The following ANO1 variants were observed in gnomAD, a reference collection of about 807,000 sequenced individuals.
ANO1 encodes the protein anoctamin 1, also known as anoctamin-1.
In ANO1, 59 loss-of-function variants were observed where a neutral mutation model predicts 124.0. The ratio of observed to expected loss-of-function variants is 0.48; its 90% CI spans 0.39 to 0.59. The LOEUF (loss-of-function observed/expected upper bound fraction) is 0.59. ANO1 is among the 20% of genes least tolerant of loss of function. The probability of loss-of-function intolerance (pLI) is 0.00; values close to 1 mark genes in which losing one functional copy is unlikely to be tolerated. For synonymous variants in ANO1, 529 were observed against 532.0 expected (o/e 0.99, Z 0.08); for missense variants, 1,059 against 1,328.0 (o/e 0.80, Z 3.15).
chr11:70,156,410 TAGGGTTTCTCCAGACCA>T (rs2135678706), intron 15 of ANO1, among the ~76,000 whole-genome samples: 1 of 152,308 alleles, frequency 6.6e-6, no homozygotes, highest in South Asian at 2.1e-4. Flanking sequence ...AGCTTCTACC[TAGGGTTTCTCCAGACCA>T]AGCCAACCCT....
chr11:70,123,605 T>C (rs2046380943), intron 8 of ANO1, among the ~76,000 whole-genome samples: 1 of 152,132 alleles, frequency 6.6e-6, no homozygotes, highest in Non-Finnish European at 1.5e-5. Context: ...CACCTCTGGC[T>C]CCTGGTGGGC....
intron 2 of ANO1, among the ~76,000 whole-genome samples, chr11:70,100,615 G>A (rs1368010607): frequency 6.6e-6 from 1 of 152,176 alleles, no homozygotes; most frequent in Non-Finnish European, 1.5e-5. Context: ...CACCCACTTT[G>A]GGGTCACGTG....
intron 11 of ANO1, among the ~76,000 whole-genome samples, chr11:70,144,508 T>C (rs2047279907): frequency 6.6e-6 from 1 of 152,252 alleles, no homozygotes; most frequent in Non-Finnish European, 1.5e-5. Context: ...TGAGATCCCA[T>C]GTAGACCTAG....
chr11:70,118,969 G>C (rs183079903), intron 8 of ANO1, among the ~76,000 whole-genome samples: 10,164 of 145,850 alleles, frequency 0.07, 526 homozygotes, highest in South Asian at 0.27. Context: ...TGGGTGAATG[G>C]GTAGATGGAT....
At position 70,006,562 on chromosome 11, in the gene ANO1, CT is replaced by C. The variant is rs1174966257; in HGVS notation, c.58+20400del. Reference sequence around the variant, plus strand: ...TCTTTCTTTCTTCCTTTCTTTCTTTCTTTTCTTTCTTTCTTTCTTACTTACT... The same window carrying C: ...TCTTTCTTTCTTCCTTTCTTTCTTTCTTTCTTTCTTTCTTTCTTACTTACT... On this transcript the variant is annotated intron_variant, in intron 1 of 27. Coordinates refer to the ANO1 transcript ENST00000531349. 3.1e-3 allele frequency among the ~76,000 whole-genome samples: 349 copies of C among 111,142 alleles called. 1 individual carries two copies. Among genetic ancestry groups the C allele is most frequent in the African/African-American group, 8.6e-3 (304 of 35,554 alleles). 72.9% of individuals were successfully genotyped at this position (111,142 alleles called of 152,430 possible). A position where few individuals can be genotyped will look rare whatever the true frequency, so the allele number is the denominator to read the frequency against.
chr11:70,149,617 T>C, intron 11 of ANO1, 93 bp from the exon 12 acceptor site: 2 of 1,358,504 alleles, frequency 1.5e-6, no homozygotes, highest in Non-Finnish European at 2.0e-6. Flanking sequence ...GCCATTGCAC[T>C]ACAGCCTGGG....
intron 1 of ANO1, among the ~76,000 whole-genome samples, chr11:70,036,035 T>C (rs575854295): frequency 1.3e-5 from 2 of 152,334 alleles, no homozygotes; most frequent in African/African-American, 2.4e-5. Context: ...TTTGGGTATA[T>C]ACCCAGCTGT....
Position 70,104,045 on chromosome 11 carries a change from C to T in ANO1, c.587C>T (p.Ser196Phe), listed in dbSNP as rs1249085181. The T allele has an allele frequency of 6.2e-7, 1 of 1,612,558 alleles. No homozygotes were observed. Among genetic ancestry groups the T allele is most frequent in the South Asian group, 1.1e-5 (1 of 90,700 alleles). ...CGTGGCCTCCTGAAAAAAATCAACT[C>T]TGTGCTCCAGAAAATCACAGATCCC... ...ETRGLLKKIN[S>F]VLQKITDPIQ... The change falls in exon 4 of 26, where the codon TCT (serine) becomes TTT (phenylalanine). Residue 196 changes from serine (S) to phenylalanine (F), a missense_variant. By Grantham distance (155) the Ser-to-Phe change is radical. Transcript: ENST00000355303.
At chr11:70,181,417 G>A (rs542831597) in intron 23 of ANO1, among the ~76,000 whole-genome samples, 14 of 152,316 alleles carry the variant, frequency 9.2e-5, no homozygotes, top group East Asian at 3.9e-4. Context: ...CCAGGCATGC[G>A]CTCCCACCAG....
At chr11:70,013,263 A>C (rs953230234) in intron 1 of ANO1, among the ~76,000 whole-genome samples, 1 of 152,192 alleles carries the variant, frequency 6.6e-6, no homozygotes, top group Non-Finnish European at 1.5e-5. Context: ...AAGGCTAGAG[A>C]GGCCAACAGG....
chr11:70,150,826 T>C (rs1295469932), intron 12 of ANO1, among the ~76,000 whole-genome samples: 6 of 152,248 alleles, frequency 3.9e-5, no homozygotes, highest in African/African-American at 7.2e-5. Context: ...TTTCTAAAGA[T>C]ATTTTTCTTT....
chr11:70,107,620 T>C (rs913093639), intron 5 of ANO1, among the ~76,000 whole-genome samples: 2 of 152,150 alleles, frequency 1.3e-5, no homozygotes, highest in African/African-American at 2.4e-5. Flanking sequence ...CCAGTTCTTC[T>C]CACCCCAGTT....
chr11:70,041,552 C>T lies in ANO1; in HGVS notation c.59-36990C>T, dbSNP rs1857182928. ...GCAGAACTATGTAGAAAGAACTAAA[C>T]TGACTTTCATGAAAAGATGTGAGCT... On this transcript the variant is annotated intron_variant, in intron 1 of 27. Coordinates refer to the ANO1 transcript ENST00000531349. 2.0e-5 allele frequency among the ~76,000 whole-genome samples: 3 copies of T among 152,192 alleles called. No homozygotes were observed. The South Asian group carries it at 6.2e-4, about 31-fold the overall frequency.
chr11:70,070,871 C>T (rs782145674), intron 1 of ANO1, among the ~76,000 whole-genome samples: 1 of 152,196 alleles, frequency 6.6e-6, no homozygotes, highest in Non-Finnish European at 1.5e-5. Flanking sequence ...CCTGCCAAGG[C>T]GGAGTCCTGG....
upstream of ANO1, among the ~76,000 whole-genome samples, chr11:69,984,876 G>T (rs1426374964): frequency 6.6e-6 from 1 of 152,230 alleles, no homozygotes; most frequent in African/African-American, 2.4e-5. Flanking sequence ...TGTCCCCCAC[G>T]GCCTCTCCTG....
chr11:70,016,966 T>C (rs1482411348), intron 1 of ANO1, among the ~76,000 whole-genome samples: 1 of 152,262 alleles, frequency 6.6e-6, no homozygotes, highest in African/African-American at 2.4e-5. Flanking sequence ...CTAGAGATTC[T>C]ACTTAGTTTA....
chr11:70,182,993 T>C (rs2048986617), intron 24 of ANO1, among the ~76,000 whole-genome samples: 1 of 152,102 alleles, frequency 6.6e-6, no homozygotes, highest in South Asian at 2.1e-4. Context: ...CCTGTAGTTC[T>C]AGCTACTCGG....
At chr11:69,993,693 C>T (rs1404505252) in intron 1 of ANO1, among the ~76,000 whole-genome samples, 1 of 152,206 alleles carries the variant, frequency 6.6e-6, no homozygotes, top group African/African-American at 2.4e-5. Context: ...GGCGCCCCTT[C>T]CTGTGCATTT....
intron 23 of ANO1, among the ~76,000 whole-genome samples, chr11:70,180,582 G>A (rs1371321926): frequency 2.6e-5 from 4 of 152,056 alleles, no homozygotes. Flanking sequence ...CTTTCTGCAA[G>A]CTTTGAGCAA....
Sources: allele counts gnomAD v4.1 joint callset (sites outside exome capture counted in the v4.1 genomes callset), GRCh38; gene constraint gnomAD v4.1.1; transcripts MANE v1.5; gene names NCBI Gene and HGNC (gene_info 2026-07-23, HGNC 2026-07-21).